The following PLD1 variants were observed in gnomAD, a reference collection of about 807,000 sequenced individuals.
PLD1 encodes the protein choline phosphatase 1.
In PLD1, 112 loss-of-function variants were observed where a neutral mutation model predicts 137.1. The observed-to-expected ratio is 0.82, with a 90% CI of 0.70 to 0.96. PLD1 has a LOEUF of 0.96. Ranked by LOEUF, PLD1 falls within the 40% of genes least tolerant of loss-of-function variation. PLD1 has a pLI of 0.00. For missense variants in PLD1, 1,321 were observed against 1,342.0 expected (o/e 0.98, Z 0.24); for synonymous variants, 431 against 454.7 (o/e 0.95, Z 0.66).
chr3:171,744,355 C>T (rs138830957), intron 1 of PLD1, among the ~76,000 whole-genome samples: 174 of 152,304 alleles, frequency 1.1e-3, no homozygotes, highest in African/African-American at 4.1e-3. Flanking sequence ...GACATGGAAT[C>T]ACCCAGCCGC....
intron 23 of PLD1, among the ~76,000 whole-genome samples, chr3:171,638,797 G>T (rs1185250308): frequency 6.6e-6 from 1 of 152,098 alleles, no homozygotes; most frequent in Non-Finnish European, 1.5e-5. Context: ...GTCTGTGAGG[G>T]GTTTTCTGGA....
intron 24 of PLD1, among the ~76,000 whole-genome samples, chr3:171,617,765 T>G (rs1733244780): frequency 1.3e-5 from 2 of 152,140 alleles, no homozygotes; most frequent in Non-Finnish European, 2.9e-5. Flanking sequence ...AAACAAATAT[T>G]TCCTCATGAG....
At chr3:171,698,648 A>G (rs1182540861) in intron 12 of PLD1, among the ~76,000 whole-genome samples, 1 of 152,076 alleles carries the variant, frequency 6.6e-6, no homozygotes, top group African/African-American at 2.4e-5. Flanking sequence ...TTCTGCTAGC[A>G]TGTTTAATGA....
chr3:171,643,724 G>C (rs1288454056), intron 22 of PLD1, among the ~76,000 whole-genome samples: 1 of 141,156 alleles, frequency 7.1e-6, no homozygotes, highest in Non-Finnish European at 1.5e-5. Context: ...CATTATGTCA[G>C]AGCCTTAAAT....
At chr3:171,733,566 T>A in intron 5 of PLD1, 57 bp from the exon 6 acceptor site, 1 of 704,466 alleles carries the variant, frequency 1.4e-6, no homozygotes, top group Admixed American at 2.3e-5. Context: ...TTTTAAAAAT[T>A]AAACAGTAGT....
At chr3:171,805,265 C>T (rs1723800127) in intron 1 of PLD1, among the ~76,000 whole-genome samples, 1 of 152,088 alleles carries the variant, frequency 6.6e-6, no homozygotes, top group Non-Finnish European at 1.5e-5. Flanking sequence ...TAAAATATTG[C>T]CCTCATCCAG....
chr3:171,677,862 G>T, intron 16 of PLD1, 168 bp from the exon 17 acceptor site: 2 of 541,444 alleles, frequency 3.7e-6, no homozygotes, highest in South Asian at 3.3e-5. Flanking sequence ...AGGTTTTACA[G>T]TCCTTACAAG....
intron 21 of PLD1, among the ~76,000 whole-genome samples, chr3:171,657,414 G>A (rs1339839910): frequency 2.6e-5 from 4 of 152,272 alleles, no homozygotes; most frequent in East Asian, 1.9e-4. Context: ...TCTTCACTGC[G>A]TGCATTCAAT....
intron 1 of PLD1, among the ~76,000 whole-genome samples, chr3:171,749,353 T>G (rs1720490836): frequency 1.3e-5 from 2 of 152,136 alleles, no homozygotes; most frequent in African/African-American, 2.4e-5. Context: ...GAAGTGACAC[T>G]CTTACAAAAA....
chr3:171,789,097 G>A (rs1477341388), intron 1 of PLD1: 4 of 152,240 alleles, frequency 2.6e-5, no homozygotes, highest in Non-Finnish European at 4.4e-5. Context: ...ACACAGAGGG[G>A]AACAGAAGTA....
intron 6 of PLD1, among the ~76,000 whole-genome samples, chr3:171,730,646 C>CTTTT (rs35101789): frequency 7.4e-6 from 1 of 134,992 alleles, no homozygotes; most frequent in Admixed American, 7.4e-5. Flanking sequence ...TCTATCTCCA[C>CTTTT]TTTTTTTTTT....
At chr3:171,777,465 G>A (rs1238578641) in intron 1 of PLD1, among the ~76,000 whole-genome samples, 1 of 152,252 alleles carries the variant, frequency 6.6e-6, no homozygotes, top group African/African-American at 2.4e-5. Flanking sequence ...TTGCCCAGAG[G>A]CATTTCCTTC....
chr3:171,677,232 G>A (rs377049782), intron 17 of PLD1, among the ~76,000 whole-genome samples: 26 of 152,156 alleles, frequency 1.7e-4, no homozygotes, highest in African/African-American at 5.5e-4. Flanking sequence ...CCATTCTAAC[G>A]CTGGAAATGC....
At chr3:171,778,866 A>G (rs1327655449) in intron 1 of PLD1, among the ~76,000 whole-genome samples, 1 of 152,204 alleles carries the variant, frequency 6.6e-6, no homozygotes, top group East Asian at 1.9e-4. Context: ...ACACTGTGCC[A>G]TTTGAAAAGA....
intron 9 of PLD1, among the ~76,000 whole-genome samples, chr3:171,712,281 G>A (rs1160984660): frequency 6.6e-6 from 1 of 152,224 alleles, no homozygotes; most frequent in Non-Finnish European, 1.5e-5. Context: ...CCCATCGCGT[G>A]TGGTGGAGAC....
At chr3:171,632,209 T>A (rs755196642) in intron 23 of PLD1, among the ~76,000 whole-genome samples, 1 of 152,108 alleles carries the variant, frequency 6.6e-6, no homozygotes, top group African/African-American at 2.4e-5. Context: ...TGAGGGACAG[T>A]CTATAGAGCA....
chr3:171,638,776 T>A (rs1440453714), intron 23 of PLD1, among the ~76,000 whole-genome samples: 1 of 152,174 alleles, frequency 6.6e-6, no homozygotes, highest in East Asian at 1.9e-4. Flanking sequence ...TTTAATATTG[T>A]TTCTGAGTGT....
intron 1 of PLD1, among the ~76,000 whole-genome samples, chr3:171,781,780 A>G (rs1722804690): frequency 6.6e-6 from 1 of 152,224 alleles, no homozygotes; most frequent in Non-Finnish European, 1.5e-5. Context: ...CTCATTCACC[A>G]TGGGTCACAG....
intron 24 of PLD1, among the ~76,000 whole-genome samples, chr3:171,615,819 T>C (rs1054802031): frequency 6.6e-6 from 1 of 152,248 alleles, no homozygotes; most frequent in Non-Finnish European, 1.5e-5. Context: ...AATTCTGCTC[T>C]ACATAGCTGA....
Sources: gnomAD v4.1 joint callset for allele counts (sites outside exome capture counted in the v4.1 genomes callset) on GRCh38, gnomAD v4.1.1 for gene constraint, MANE v1.5 for transcripts, NCBI Gene and HGNC (gene_info 2026-07-23, HGNC 2026-07-21) for gene names.